ERBB4: variants seen among roughly 807,000 people sequenced by gnomAD.
ERBB4 encodes the protein receptor tyrosine-protein kinase erbB-4.
Under a neutral mutation model 158.0 loss-of-function variants are expected in ERBB4, and 42 were observed. The observed-to-expected ratio is 0.27, with a 90% CI of 0.21 to 0.34. The LOEUF is 0.34. Ranked by LOEUF, ERBB4 falls within the 10% of genes least tolerant of loss-of-function variation. The pLI, the probability that ERBB4 is intolerant of heterozygous loss-of-function variation, is 1.00. For synonymous variants in ERBB4, 583 were observed against 558.7 expected, an observed-to-expected ratio of 1.04 and a Z score of -0.61; for missense variants, 1,333 against 1,624.1, an observed-to-expected ratio of 0.82 and a Z score of 3.08.
At chr2:211,898,207 A>G (rs1451184741) in intron 3 of ERBB4, among the ~76,000 whole-genome samples, 26 of 152,172 alleles carry the variant, frequency 1.7e-4, no homozygotes, top group Admixed American at 1.7e-3. Flanking sequence ...AAATATGCCT[A>G]TTTTAAATGT....
At chr2:212,493,377 ACAT>A (rs956832772) in intron 1 of ERBB4, among the ~76,000 whole-genome samples, 2 of 151,522 alleles carry the variant, frequency 1.3e-5, no homozygotes, top group African/African-American at 4.8e-5. Context: ...GATAATATTA[ACAT>A]CATCAAGTAT....
chr2:211,858,185 A>C (rs2077920019), intron 3 of ERBB4, among the ~76,000 whole-genome samples: 1 of 152,176 alleles, frequency 6.6e-6, no homozygotes, highest in East Asian at 1.9e-4. Context: ...ACAAGGAGAC[A>C]GAGTGCACAG....
At chr2:211,492,478 T>C (rs971464785) in intron 20 of ERBB4, among the ~76,000 whole-genome samples, 1 of 152,106 alleles carries the variant, frequency 6.6e-6, no homozygotes. Flanking sequence ...ACTGAGGACT[T>C]ATTATGTGGC....
chr2:211,693,594 G>A (rs1467195071), intron 12 of ERBB4, among the ~76,000 whole-genome samples: 1 of 152,162 alleles, frequency 6.6e-6, no homozygotes, highest in East Asian at 1.9e-4. Flanking sequence ...GGAATAATAT[G>A]GGGTGTGACA....
At chr2:211,551,643 T>C (rs1312620723) in intron 20 of ERBB4, among the ~76,000 whole-genome samples, 1 of 152,198 alleles carries the variant, frequency 6.6e-6, no homozygotes, top group Non-Finnish European at 1.5e-5. Context: ...TTCTCTTCTC[T>C]AGACTATTAT....
intron 2 of ERBB4, among the ~76,000 whole-genome samples, chr2:211,968,595 C>A (rs982118388): frequency 1.3e-4 from 19 of 151,884 alleles, no homozygotes; most frequent in Non-Finnish European, 1.0e-4. Context: ...TTGCTCTGTT[C>A]TCTTTTTATT....
At chr2:211,420,749 G>C in intron 24 of ERBB4, 138 bp from the exon 25 acceptor site, 1 of 766,478 alleles carries the variant, frequency 1.3e-6, no homozygotes, top group Non-Finnish European at 2.2e-6. Context: ...CAAGTCTTTA[G>C]CACAACCACC....
At chr2:212,016,622 G>A (rs2076535719) in intron 2 of ERBB4, among the ~76,000 whole-genome samples, 2 of 152,022 alleles carry the variant, frequency 1.3e-5, no homozygotes, top group Admixed American at 1.3e-4. Flanking sequence ...CATTTGTGGA[G>A]GAGAGGGGTG....
intron 1 of ERBB4, among the ~76,000 whole-genome samples, chr2:212,531,762 T>A (rs1692769868): frequency 6.6e-6 from 1 of 152,114 alleles, no homozygotes; most frequent in Non-Finnish European, 1.5e-5. Flanking sequence ...CTCTTAAAAG[T>A]GCTATTATAT....
chr2:212,451,021 A>AT (rs1238439602), intron 1 of ERBB4, among the ~76,000 whole-genome samples: 4 of 151,996 alleles, frequency 2.6e-5, no homozygotes, highest in Admixed American at 2.0e-4. Context: ...GTCCTGGCTA[A>AT]TTTTTTTATT....
At chr2:211,815,397 G>A (rs1254912403) in intron 3 of ERBB4, among the ~76,000 whole-genome samples, 1 of 152,100 alleles carries the variant, frequency 6.6e-6, no homozygotes. Flanking sequence ...ATGTTTTCTT[G>A]TTTTGTCAAA....
intron 3 of ERBB4, among the ~76,000 whole-genome samples, chr2:211,840,345 C>A (rs981302650): frequency 1.3e-5 from 2 of 151,778 alleles, no homozygotes; most frequent in African/African-American, 4.9e-5. Flanking sequence ...AACTGTGAAT[C>A]AATTAAACCT....
chr2:211,610,145 C>T (rs746724309), intron 19 of ERBB4, among the ~76,000 whole-genome samples: 3 of 151,910 alleles, frequency 2.0e-5, no homozygotes, highest in Non-Finnish European at 4.4e-5. Context: ...TATCCACATA[C>T]CATACATGTG....
At chr2:211,568,557 T>C (rs1013912329) in intron 19 of ERBB4, among the ~76,000 whole-genome samples, 5 of 152,178 alleles carry the variant, frequency 3.3e-5, no homozygotes, top group African/African-American at 1.2e-4. Context: ...TATAGGCTAT[T>C]CTGTTTTTAA....
Position 211,462,156 on chromosome 2 carries a change from G to A in ERBB4, c.2488-31056C>T, listed in dbSNP as rs527807278. 9.2e-5 allele frequency among the ~76,000 whole-genome samples: 14 copies of A among 152,014 alleles called. No homozygotes were observed. The South Asian group carries it at 1.3e-3, about 14-fold the overall frequency. On this transcript the variant is annotated intron_variant, in intron 20 of 27. Coordinates refer to ENST00000342788, the MANE Select transcript of ERBB4 (RefSeq NM_005235.3). The stretch of plus-strand genomic sequence containing the variant: ...ATCTCAGAAAACTTACAATTATGGC[G>A]GAAGGCAAAGTGGGAGCTGGCACTT...
At chr2:211,716,550 C>A (rs1191238380) in intron 7 of ERBB4, among the ~76,000 whole-genome samples, 4 of 149,454 alleles carry the variant, frequency 2.7e-5, no homozygotes, top group Non-Finnish European at 6.0e-5. Context: ...GTGGCGGGCG[C>A]CTGTAGTCCC....
At chr2:211,528,932 A>G (rs550114010) in intron 20 of ERBB4, among the ~76,000 whole-genome samples, 2 of 151,974 alleles carry the variant, frequency 1.3e-5, no homozygotes, top group East Asian at 3.9e-4. Context: ...TAACCTAATG[A>G]TGCATTTTAA....
intron 20 of ERBB4, among the ~76,000 whole-genome samples, chr2:211,502,342 G>A (rs2065638001): frequency 6.6e-6 from 1 of 152,106 alleles, no homozygotes; most frequent in Non-Finnish European, 1.5e-5. Flanking sequence ...TTAGGGTAAT[G>A]TAACAGAAAG....
At chr2:211,923,896 ATT>A (rs905160136) in intron 3 of ERBB4, among the ~76,000 whole-genome samples, 5 of 152,018 alleles carry the variant, frequency 3.3e-5, no homozygotes, top group Non-Finnish European at 7.4e-5. Flanking sequence ...CTAATTTTGT[ATT>A]TTGAGTAGAG....
Sources: gnomAD v4.1 joint callset for allele counts (sites outside exome capture counted in the v4.1 genomes callset) on GRCh38, gnomAD v4.1.1 for gene constraint, MANE v1.5 for transcripts, NCBI Gene and HGNC (gene_info 2026-07-23, HGNC 2026-07-21) for gene names.